Variants in GRIK3 observed in about 807,000 individuals in gnomAD.
The protein encoded by GRIK3 is glutamate receptor ionotropic, kainate 3.
In GRIK3, 29 loss-of-function variants were observed where a neutral mutation model predicts 102.5. That is an observed-to-expected ratio of 0.28 (90% CI 0.21 to 0.39). GRIK3 has a LOEUF of 0.39. Among genes scored for constraint, GRIK3 ranks in the 10% least tolerant of loss-of-function variants. GRIK3 has a pLI of 1.00. For missense variants in GRIK3, 908 were observed against 1,252.4 expected (o/e 0.73, Z 4.15); for synonymous variants, 511 against 504.9 (o/e 1.01, Z -0.16).
At chr1:36,948,281 C>CA (rs1641806345) in intron 1 of GRIK3, among the ~76,000 whole-genome samples, 1 of 152,190 alleles carries the variant, frequency 6.6e-6, no homozygotes, top group Non-Finnish European at 1.5e-5. Flanking sequence ...TACTATGTGC[C>CA]AATGCTGGAG....
At position 36,887,735 on chromosome 1, in the gene GRIK3, A is replaced by C. The variant is rs552131848; in HGVS notation, c.292+3185T>G. ...GGCACCACTGCACTCCAGCCTGGGC[A>C]ACAAGAGTGAAATTCCATCTCAAAA... is the stretch of plus-strand genomic sequence containing the variant. On this transcript the variant is annotated intron_variant, in intron 2 of 15. Transcript: ENST00000373091. Among the ~76,000 whole-genome samples, 260 of 144,474 alleles carry C rather than the reference A, an allele frequency of 1.8e-3. 1 individual carries two copies. The highest frequency in any genetic ancestry group is 3.1e-3 in the Non-Finnish European group (205 of 67,048). The allele number at this position is 144,474 out of a possible 152,430, so 94.8% of individuals were successfully genotyped here.
chr1:36,842,655 AGC>A (rs1283629112), intron 9 of GRIK3, among the ~76,000 whole-genome samples: 1 of 152,242 alleles, frequency 6.6e-6, no homozygotes, highest in Non-Finnish European at 1.5e-5. Context: ...CTGGTCAATT[AGC>A]AAATGAGTTT....
intron 1 of GRIK3, among the ~76,000 whole-genome samples, chr1:37,006,991 C>T (rs571387276): frequency 6.0e-4 from 91 of 152,326 alleles, no homozygotes; most frequent in African/African-American, 1.9e-3. Flanking sequence ...CTCCATGGCC[C>T]GAGTCCAGCA....
intron 13 of GRIK3, among the ~76,000 whole-genome samples, chr1:36,808,119 C>A (rs1291815745): frequency 6.6e-6 from 1 of 152,226 alleles, no homozygotes; most frequent in Admixed American, 6.5e-5. Flanking sequence ...AATATTCTTG[C>A]CCTTAAAAAT....
At chr1:36,989,690 C>A (rs1161876889) in intron 1 of GRIK3, among the ~76,000 whole-genome samples, 1 of 152,164 alleles carries the variant, frequency 6.6e-6, no homozygotes, top group African/African-American at 2.4e-5. Context: ...ACAGTGGACA[C>A]AGGCCAGGTC....
intron 1 of GRIK3, among the ~76,000 whole-genome samples, chr1:36,975,744 G>A (rs1642189895): frequency 6.6e-6 from 1 of 152,168 alleles, no homozygotes; most frequent in Non-Finnish European, 1.5e-5. Context: ...GTGCTCCTGA[G>A]GCACCCTCCA....
chr1:36,911,849 C>T (rs1416260302), intron 1 of GRIK3, among the ~76,000 whole-genome samples: 1 of 151,972 alleles, frequency 6.6e-6, no homozygotes, highest in Non-Finnish European at 1.5e-5. Flanking sequence ...CTGGAGGGGA[C>T]AAAGGAATGG....
chr1:36,926,896 G>T (rs1212716248), intron 1 of GRIK3, among the ~76,000 whole-genome samples: 1 of 152,156 alleles, frequency 6.6e-6, no homozygotes, highest in Non-Finnish European at 1.5e-5. Flanking sequence ...TGGGGAATTT[G>T]CATGAAAAGA....
At chr1:36,845,336 CA>C (rs1486503914) in intron 9 of GRIK3, among the ~76,000 whole-genome samples, 1 of 152,192 alleles carries the variant, frequency 6.6e-6, no homozygotes, top group East Asian at 1.9e-4. Context: ...GCCATAGGAA[CA>C]GGGGTAATAT....
At position 37,034,021 on chromosome 1, in the gene GRIK3, G is replaced by GC; in HGVS notation, c.87dup (p.Arg30AlafsTer53). Reference sequence around the variant, plus strand: ...ATCCGGATGACGTGGGGCATCCCGCGCGAGTCCGGGATCCAGAAGGCGCAC... The same window carrying GC: ...ATCCGGATGACGTGGGGCATCCCGCGCCGAGTCCGGGATCCAGAAGGCGCAC... On this transcript the variant is annotated frameshift_variant, in exon 1 of 16. Transcript: ENST00000373091. LOFTEE classifies it high-confidence loss of function. The GC allele has an allele frequency of 6.2e-7, 1 of 1,600,554 alleles. No homozygotes were observed. The highest frequency in any genetic ancestry group is 8.5e-7 in the Non-Finnish European group (1 of 1,173,580).
In GRIK3 at chr1:37,031,498, G is replaced by A. The variant is rs549105; in HGVS notation, c.115+2496C>T. The stretch of plus-strand genomic sequence containing the variant: ...CAAAAGAGGCACAAAGAGAGGGGGT[G>A]GGTACGATGCTCCTCAGCCCAGAGA... On this transcript the variant is annotated intron_variant, in intron 1 of 15. Coordinates refer to ENST00000373091, the MANE Select transcript of GRIK3 (RefSeq NM_000831.4). Among the ~76,000 whole-genome samples the A allele has an allele frequency of 1.5e-3, 225 of 152,360 alleles. 1 individual carries two copies. The highest frequency in any genetic ancestry group is 4.5e-3 in the African/African-American group (187 of 41,590).
intron 1 of GRIK3, among the ~76,000 whole-genome samples, chr1:36,928,199 G>C (rs188132379): frequency 3.3e-5 from 5 of 152,340 alleles, no homozygotes; most frequent in Admixed American, 1.3e-4. Context: ...GGTGAGTGGA[G>C]GCAGGGACTG....
intron 4 of GRIK3, among the ~76,000 whole-genome samples, chr1:36,870,145 G>A (rs563290328): frequency 1.1e-3 from 165 of 152,354 alleles, no homozygotes; most frequent in African/African-American, 3.2e-3. Flanking sequence ...TGCTGATGGC[G>A]TCAGTCTGAG....
chr1:36,825,741 C>G lies in GRIK3; in HGVS notation c.1616G>C (p.Gly539Ala). The G allele has an allele frequency of 6.2e-7, 1 of 1,614,078 alleles. No homozygotes were observed. Among genetic ancestry groups the G allele is most frequent in the Non-Finnish European group, 8.5e-7 (1 of 1,179,962 alleles). Reference protein sequence around the residue: ...IDFSKPFMTLGVSILYRKPNG... With the variant: ...IDFSKPFMTLAVSILYRKPNG... ...GGGCTTTCGATACAGGATGCTCACA[C>G]CAAGTGTCATGAAGGGCTTGGAGAA... The change falls in exon 11 of 16, where the codon GGT becomes GCT. Residue 539 changes from glycine to alanine, a missense_variant. Physicochemically the swap from Gly to Ala is moderately conservative, Grantham distance 60. Around this residue, in one of 3 missense-constraint regions of GRIK3, gnomAD observed 585 missense variants for 824.9 expected, o/e 0.71. Coordinates refer to ENST00000373091, the MANE Select transcript of GRIK3 (RefSeq NM_000831.4).
intron 15 of GRIK3, among the ~76,000 whole-genome samples, chr1:36,802,606 T>C (rs1385572973): frequency 2.6e-5 from 4 of 152,200 alleles, no homozygotes; most frequent in African/African-American, 4.8e-5. Flanking sequence ...TCTAGGGCTG[T>C]TGGGTGGCAG....
chr1:37,001,636 C>G (rs1362520965), intron 1 of GRIK3, among the ~76,000 whole-genome samples: 1 of 152,192 alleles, frequency 6.6e-6, no homozygotes, highest in Non-Finnish European at 1.5e-5. Context: ...GATCCTCCTC[C>G]TTGCCAAAGT....
At chr1:36,868,612 G>A (rs1640811197) in intron 5 of GRIK3, among the ~76,000 whole-genome samples, 1 of 152,194 alleles carries the variant, frequency 6.6e-6, no homozygotes, top group Admixed American at 6.5e-5. Context: ...AACATGACAT[G>A]GACTTAGGAG....
chr1:36,935,394 C>A (rs767105266), intron 1 of GRIK3, among the ~76,000 whole-genome samples: 15 of 152,136 alleles, frequency 9.9e-5, no homozygotes, highest in Non-Finnish European at 1.9e-4. Flanking sequence ...TTCTTAATAT[C>A]CAAATACATG....
rs369082447 is a variant in GRIK3, at chr1:36,872,376, G to C, written c.551-7C>G. 6.5e-5 allele frequency: 102 copies of C among 1,575,730 alleles called. No homozygotes were observed. Among genetic ancestry groups the C allele is most frequent in the Non-Finnish European group, 8.6e-5 (99 of 1,157,344 alleles). ...TCCTGCAGTCGGATGAGCCCTGAGGGGCCATGGAGCACAAAAGACACACGT... is the reference window on the plus strand; with the variant it reads ...TCCTGCAGTCGGATGAGCCCTGAGGCGCCATGGAGCACAAAAGACACACGT... On this transcript the variant is annotated splice_region_variant and splice_polypyrimidine_tract_variant and intron_variant, in intron 3 of 15. Coordinates refer to ENST00000373091, the MANE Select transcript of GRIK3 (RefSeq NM_000831.4). The surrounding 1 kb of genome is among the most constrained non-coding windows in gnomAD (Gnocchi z 5.9).
Sources: allele counts gnomAD v4.1 joint callset (sites outside exome capture counted in the v4.1 genomes callset), GRCh38; gene constraint gnomAD v4.1.1; regional missense constraint gnomAD v4.1.1; non-coding constraint Gnocchi (gnomAD v3.1); transcripts MANE v1.5; gene names NCBI Gene and HGNC (gene_info 2026-07-23, HGNC 2026-07-21).